The following ESRRG variants were observed in gnomAD, a reference collection of about 807,000 sequenced individuals.
ESRRG encodes the protein estrogen-related receptor gamma.
Under a neutral mutation model 44.0 loss-of-function variants are expected in ESRRG, and 13 were observed. That is an observed-to-expected ratio of 0.30 (90% CI 0.19 to 0.47). The LOEUF (loss-of-function observed/expected upper bound fraction) is 0.47. ESRRG is among the 20% of genes least tolerant of loss of function. The probability of loss-of-function intolerance (pLI) is 1.00; values close to 1 mark genes in which losing one functional copy is unlikely to be tolerated. For missense variants in ESRRG, 395 were observed against 580.6 expected (o/e 0.68, Z 3.29); for synonymous variants, 215 against 214.6 (o/e 1.00, Z -0.02).
intron 1 of ESRRG, among the ~76,000 whole-genome samples, chr1:217,020,923 G>A (rs1418318738): frequency 6.6e-6 from 1 of 152,034 alleles, no homozygotes; most frequent in African/African-American, 2.4e-5. Flanking sequence ...GAGAAGAAAT[G>A]CCACTCATTA....
intron 2 of ESRRG, among the ~76,000 whole-genome samples, chr1:216,933,471 T>C (rs922372883): frequency 3.9e-5 from 6 of 151,902 alleles, no homozygotes; most frequent in Non-Finnish European, 8.8e-5. Context: ...TTTGGGGCAC[T>C]GTCAATTTCT....
chr1:216,867,883 C>A (rs1396172602), intron 2 of ESRRG, among the ~76,000 whole-genome samples: 1 of 151,994 alleles, frequency 6.6e-6, no homozygotes, highest in African/African-American at 2.4e-5. Context: ...CCCTGCCCTA[C>A]AAAACTCCTA....
At chr1:217,055,580 C>T (rs937409473) in intron 1 of ESRRG, among the ~76,000 whole-genome samples, 3 of 152,118 alleles carry the variant, frequency 2.0e-5, no homozygotes, top group African/African-American at 7.2e-5. Context: ...GCTTCAACCC[C>T]CTGTACAGCC....
At chr1:216,676,349 TG>T (rs2076106265) in intron 2 of ESRRG, among the ~76,000 whole-genome samples, 1 of 152,226 alleles carries the variant, frequency 6.6e-6, no homozygotes. Context: ...CACTTATATA[TG>T]TTGGAGGTAT....
At chr1:217,012,425 C>A (rs927751821) in intron 1 of ESRRG, among the ~76,000 whole-genome samples, 15 of 152,164 alleles carry the variant, frequency 9.9e-5, no homozygotes, top group Non-Finnish European at 2.2e-4. Context: ...TGAATCCCAC[C>A]TGTTATCTTG....
chr1:216,600,928 C>A (rs1006121240), intron 3 of ESRRG, among the ~76,000 whole-genome samples: 2 of 152,208 alleles, frequency 1.3e-5, no homozygotes, highest in Admixed American at 6.5e-5. Flanking sequence ...TCAGCCCAAT[C>A]TTTCCTGTCT....
intron 2 of ESRRG, among the ~76,000 whole-genome samples, chr1:216,858,753 A>G (rs991690220): frequency 1.3e-5 from 2 of 152,200 alleles, no homozygotes; most frequent in African/African-American, 4.8e-5. Flanking sequence ...GATTTGAATC[A>G]CAGTACTGAT....
At chr1:216,774,664 C>T (rs918690753) in intron 2 of ESRRG, among the ~76,000 whole-genome samples, 3 of 152,012 alleles carry the variant, frequency 2.0e-5, no homozygotes, top group African/African-American at 7.2e-5. Context: ...AATGAAAAGG[C>T]TCAAATGTAG....
chr1:216,676,793 A>T lies in ESRRG; in HGVS notation c.472+283T>A, dbSNP rs376465575. On this transcript the variant is annotated intron_variant, in intron 2 of 6. Transcript: ENST00000408911. ...ATTTGTACAGTTGCTATATAGACCC[A>T]CATTGCTCTAATAATAACTATGCTC... is the stretch of plus-strand genomic sequence containing the variant. 5.3e-5 allele frequency among the ~76,000 whole-genome samples: 8 copies of T among 152,322 alleles called. No homozygotes were observed. In the South Asian group the frequency reaches 1.7e-3, roughly 32 times the overall value.
intron 1 of ESRRG, among the ~76,000 whole-genome samples, chr1:216,940,844 C>G (rs1418093246): frequency 1.3e-5 from 2 of 152,144 alleles, no homozygotes; most frequent in Non-Finnish European, 2.9e-5. Context: ...CCCCTACACC[C>G]AGCAATTGGA....
At chr1:216,913,470 T>A (rs2060743923) in intron 2 of ESRRG, among the ~76,000 whole-genome samples, 1 of 152,194 alleles carries the variant, frequency 6.6e-6, no homozygotes, top group African/African-American at 2.4e-5. Context: ...TCCAATGATA[T>A]CAAAGGAAAG....
chr1:217,080,374 GTTT>G (rs1558226403), intron 1 of ESRRG, among the ~76,000 whole-genome samples: 1 of 152,062 alleles, frequency 6.6e-6, no homozygotes, highest in East Asian at 1.9e-4. Context: ...ATAAATGATG[GTTT>G]GGAGGTTATA....
chr1:216,640,974 C>A (rs1201745244), intron 3 of ESRRG, among the ~76,000 whole-genome samples: 4 of 152,078 alleles, frequency 2.6e-5, no homozygotes, highest in Non-Finnish European at 2.9e-5. Context: ...CTGCTTGGGG[C>A]TAAATCCATC....
intron 1 of ESRRG, among the ~76,000 whole-genome samples, chr1:216,695,994 A>T (rs894260576): frequency 6.6e-6 from 1 of 152,236 alleles, no homozygotes; most frequent in Non-Finnish European, 1.5e-5. Flanking sequence ...AGATGCTGGC[A>T]TAGATGCTTG....
chr1:216,976,928 A>G (rs1334107286), intron 1 of ESRRG, among the ~76,000 whole-genome samples: 1 of 152,206 alleles, frequency 6.6e-6, no homozygotes, highest in Non-Finnish European at 1.5e-5. Flanking sequence ...TACTCTTTTT[A>G]TTAGTTTAAT....
chr1:216,677,647 T>C (rs1055739981), intron 1 of ESRRG, among the ~76,000 whole-genome samples, 156 bp from the exon 2 acceptor site: 9 of 152,140 alleles, frequency 5.9e-5, no homozygotes, highest in Non-Finnish European at 1.5e-5. Flanking sequence ...TTAAAGACAT[T>C]GCTCTTTGAG....
At chr1:216,635,091 G>A (rs538883339) in intron 3 of ESRRG, among the ~76,000 whole-genome samples, 51 of 152,062 alleles carry the variant, frequency 3.4e-4, no homozygotes, top group Admixed American at 1.3e-4. Flanking sequence ...CATGAGAACT[G>A]TAGTACAGGC....
At chr1:216,874,076 ACT>A (rs2096307913) in intron 2 of ESRRG, among the ~76,000 whole-genome samples, 1 of 149,926 alleles carries the variant, frequency 6.7e-6, no homozygotes, top group African/African-American at 2.5e-5. Context: ...TAGGAAGGCC[ACT>A]CTCTGCCTCT....
intron 1 of ESRRG, among the ~76,000 whole-genome samples, chr1:217,036,158 A>T (rs566499192): frequency 6.6e-6 from 1 of 152,308 alleles, no homozygotes; most frequent in South Asian, 2.1e-4. Context: ...AAGTCAAAAA[A>T]TAACAGATGC....
Sources: gnomAD v4.1 joint callset for allele counts (sites outside exome capture counted in the v4.1 genomes callset) on GRCh38, gnomAD v4.1.1 for gene constraint, MANE v1.5 for transcripts, NCBI Gene and HGNC (gene_info 2026-07-23, HGNC 2026-07-21) for gene names.